CTNNBL1: variants seen among roughly 807,000 people sequenced by gnomAD.
CTNNBL1 encodes the protein catenin beta like 1.
A neutral mutation model predicts 72.7 loss-of-function variants in CTNNBL1; 31 were observed. The ratio of observed to expected loss-of-function variants is 0.43; its 90% CI spans 0.32 to 0.58. The LOEUF (loss-of-function observed/expected upper bound fraction) is 0.58. Ranked by LOEUF, CTNNBL1 falls within the 20% of genes least tolerant of loss-of-function variation. CTNNBL1 has a pLI of 0.08. For synonymous variants in CTNNBL1, 240 were observed against 267.3 expected (o/e 0.90, Z 1.00); for missense variants, 534 against 725.1 (o/e 0.74, Z 3.03).
At chr20:37,806,200 C>T (rs555668829) in intron 11 of CTNNBL1, among the ~76,000 whole-genome samples, 3 of 152,296 alleles carry the variant, frequency 2.0e-5, no homozygotes, top group African/African-American at 7.2e-5. Flanking sequence ...ACTGACCTTC[C>T]CTATAGGCAA....
At chr20:37,764,477 C>T (rs1488439918) in intron 5 of CTNNBL1, among the ~76,000 whole-genome samples, 1 of 152,140 alleles carries the variant, frequency 6.6e-6, no homozygotes, top group Non-Finnish European at 1.5e-5. Context: ...TCCACTGCTC[C>T]ATAGCTGTGT....
intron 1 of CTNNBL1, among the ~76,000 whole-genome samples, chr20:37,731,471 G>A (rs1476161857): frequency 6.6e-6 from 1 of 152,106 alleles, no homozygotes; most frequent in East Asian, 1.9e-4. Flanking sequence ...CTGACCTCAG[G>A]TGATCTGCCC....
chr20:37,804,984 A>G (rs140661608), intron 11 of CTNNBL1, among the ~76,000 whole-genome samples: 1 of 152,370 alleles, frequency 6.6e-6, no homozygotes, highest in East Asian at 1.9e-4. Flanking sequence ...TGAGCGGACC[A>G]GTACCCAGAG....
Position 37,777,683 on chromosome 20 carries a change from G to A in CTNNBL1, c.853G>A (p.Gly285Arg). Reference sequence around the variant, plus strand: ...CAGGGAATTGCTTGGGGAGCTGGATGGAATCGATGTGCTTCTTCAGCAGTT... The same window carrying A: ...CAGGGAATTGCTTGGGGAGCTGGATAGAATCGATGTGCTTCTTCAGCAGTT... ...ENRELLGELDGIDVLLQQLSV... is the reference protein window; with the variant it reads ...ENRELLGELDRIDVLLQQLSV... The change falls in exon 9 of 16, where the codon GGA (glycine) becomes AGA (arginine). Residue 285 changes from glycine to arginine, a missense_variant. By Grantham distance (125) the Gly-to-Arg change is moderately radical. Coordinates refer to ENST00000361383, the MANE Select transcript of CTNNBL1 (RefSeq NM_030877.5). 1 of 1,613,780 alleles carries A rather than the reference G, an allele frequency of 6.2e-7. No homozygotes were observed. Among genetic ancestry groups the A allele is most frequent in the Non-Finnish European group, 8.5e-7 (1 of 1,179,762 alleles).
intron 4 of CTNNBL1, chr20:37,750,617 GAGGA>G (rs1485733027): frequency 2.0e-5 from 3 of 152,124 alleles, no homozygotes; most frequent in Non-Finnish European, 4.4e-5. Flanking sequence ...AAGGAACAAG[GAGGA>G]ATAAAAGGGA....
chr20:37,862,101 A>G (rs998701014), intron 15 of CTNNBL1, among the ~76,000 whole-genome samples: 1 of 130,344 alleles, frequency 7.7e-6, no homozygotes, highest in African/African-American at 3.0e-5. Flanking sequence ...CTCAGAGAAA[A>G]AGAGAGTAAA....
At chr20:37,793,605 A>ACGT (rs2073745059) in intron 10 of CTNNBL1, among the ~76,000 whole-genome samples, 1 of 152,226 alleles carries the variant, frequency 6.6e-6, no homozygotes, top group African/African-American at 2.4e-5. Flanking sequence ...ACCCTAATCC[A>ACGT]AAAAGAGGCA....
At chr20:37,780,165 A>C (rs1011138143) in intron 10 of CTNNBL1, among the ~76,000 whole-genome samples, 5 of 151,694 alleles carry the variant, frequency 3.3e-5, no homozygotes, top group Admixed American at 3.3e-4. Flanking sequence ...AAAAAAAAAA[A>C]CAAGAAAAAA....
chr20:37,732,484 C>T (rs1387019129), intron 1 of CTNNBL1, among the ~76,000 whole-genome samples: 1 of 152,190 alleles, frequency 6.6e-6, no homozygotes, highest in African/African-American at 2.4e-5. Flanking sequence ...GTTGCTATTT[C>T]CGTATACATA....
chr20:37,817,741 G>A (rs543905126), intron 11 of CTNNBL1, among the ~76,000 whole-genome samples: 11 of 152,294 alleles, frequency 7.2e-5, no homozygotes, highest in African/African-American at 2.6e-4. Flanking sequence ...CCCAGGTAAC[G>A]CTGAGGCTGC....
Position 37,860,079 on chromosome 20 carries a change from C to T in CTNNBL1, c.1530+43C>T, listed in dbSNP as rs752103427. 1.2e-5 allele frequency: 19 copies of T among 1,596,346 alleles called. No homozygotes were observed. In the South Asian group the frequency reaches 2.1e-4, roughly 18 times the overall value. On this transcript the variant is annotated intron_variant, in intron 14 of 15. Transcript: ENST00000361383. ...TGGATGGGCTTATCCATCCCTGCCTCCTTCCTCGCCAGCTGCTTAGGTGGA... is the reference window on the plus strand; with the variant it reads ...TGGATGGGCTTATCCATCCCTGCCTTCTTCCTCGCCAGCTGCTTAGGTGGA...
At chr20:37,840,684 T>C (rs2072296539) in intron 12 of CTNNBL1, among the ~76,000 whole-genome samples, 1 of 152,152 alleles carries the variant, frequency 6.6e-6, no homozygotes, top group Non-Finnish European at 1.5e-5. Context: ...GGTAATAAAA[T>C]GAAGATAATG....
In CTNNBL1 at chr20:37,777,500, T is replaced by C. The variant is rs577749839; in HGVS notation, c.823+83T>C. 438 of 1,467,474 alleles carry C rather than the reference T, an allele frequency of 3.0e-4. 2 individuals are homozygous for C. The African/African-American group carries it at 5.1e-3, about 17-fold the overall frequency. 90.9% of individuals were successfully genotyped at this position (1,467,474 alleles called of 1,614,324 possible). ...ATCATGACAGCAAGCTCTCTTGCCTTTGGCATCCCCTTGCTCTCCCTCTCA... is the reference window on the plus strand; with the variant it reads ...ATCATGACAGCAAGCTCTCTTGCCTCTGGCATCCCCTTGCTCTCCCTCTCA... On this transcript the variant is annotated intron_variant, in intron 8 of 15. Coordinates refer to ENST00000361383, the MANE Select transcript of CTNNBL1 (RefSeq NM_030877.5).
At chr20:37,697,209 G>A (rs1369091242) in intron 1 of CTNNBL1, among the ~76,000 whole-genome samples, 1 of 152,058 alleles carries the variant, frequency 6.6e-6, no homozygotes, top group Non-Finnish European at 1.5e-5. Context: ...GAAAGAAAAT[G>A]TAAAGTTAGG....
intron 13 of CTNNBL1, among the ~76,000 whole-genome samples, chr20:37,851,591 T>C (rs1403611655): frequency 1.3e-5 from 2 of 152,242 alleles, no homozygotes; most frequent in Non-Finnish European, 2.9e-5. Context: ...AACACAGCCT[T>C]GGAAACAAAT....
intron 1 of CTNNBL1, among the ~76,000 whole-genome samples, chr20:37,699,873 G>T (rs1293182729): frequency 1.3e-5 from 2 of 152,082 alleles, no homozygotes; most frequent in Non-Finnish European, 2.9e-5. Context: ...GTGGGCATTG[G>T]TTTGCAGATT....
intron 13 of CTNNBL1, among the ~76,000 whole-genome samples, chr20:37,851,632 G>A (rs2072398051): frequency 6.6e-6 from 1 of 152,174 alleles, no homozygotes; most frequent in South Asian, 2.1e-4. Flanking sequence ...TTTCTGTTCT[G>A]TTTCCTGTTC....
At chr20:37,842,757 C>A (rs1208314755) in intron 13 of CTNNBL1, among the ~76,000 whole-genome samples, 23 of 152,228 alleles carry the variant, frequency 1.5e-4, no homozygotes, top group Non-Finnish European at 2.8e-4. Flanking sequence ...TTAGTACTCA[C>A]ACTTGCTGGC....
intron 13 of CTNNBL1, among the ~76,000 whole-genome samples, chr20:37,844,354 A>G (rs1310574754): frequency 3.9e-5 from 6 of 152,216 alleles, no homozygotes; most frequent in African/African-American, 1.4e-4. Context: ...ATACTAGCCA[A>G]GGTGATCCAA....
Sources: gnomAD v4.1 joint callset for allele counts (sites outside exome capture counted in the v4.1 genomes callset) on GRCh38, gnomAD v4.1.1 for gene constraint, MANE v1.5 for transcripts, NCBI Gene and HGNC (gene_info 2026-07-23, HGNC 2026-07-21) for gene names.